Variants in PPM1E observed in about 807,000 individuals in gnomAD.
PPM1E encodes the protein protein phosphatase 1E.
PPM1E carries 20 observed loss-of-function variants against 65.9 expected under a neutral mutation model. The ratio of observed to expected loss-of-function variants is 0.30; its 90% confidence interval spans 0.21 to 0.44. The LOEUF (loss-of-function observed/expected upper bound fraction) is 0.44, where lower values mean the gene tolerates loss of function less well. PPM1E is among the 20% of genes least tolerant of loss of function. The pLI is 1.00. For missense variants in PPM1E, 713 were observed against 953.1 expected (o/e 0.75, Z 3.32); for synonymous variants, 352 against 374.9 (o/e 0.94, Z 0.70).
At chr17:58,837,320 A>AACACACATACACACACACACACAC (rs751021723) in intron 1 of PPM1E, among the ~76,000 whole-genome samples, 1 of 120,242 alleles carries the variant, frequency 8.3e-6, no homozygotes, top group Non-Finnish European at 1.7e-5. Context: ...GAATGAGAAT[A>AACACACATACACACACACACACAC]ACACACACAC....
chr17:58,903,054 C>T (rs867111108), intron 1 of PPM1E, among the ~76,000 whole-genome samples: 11 of 152,138 alleles, frequency 7.2e-5, no homozygotes, highest in Middle Eastern at 6.8e-3. Flanking sequence ...CCAAGAGTAG[C>T]GCAAAAACCT....
chr17:58,927,786 C>G (rs1050311405), intron 1 of PPM1E, among the ~76,000 whole-genome samples: 2 of 151,432 alleles, frequency 1.3e-5, no homozygotes, highest in African/African-American at 4.9e-5. Context: ...CGGCCGGGCC[C>G]GGTGGCTCAT....
intron 1 of PPM1E, among the ~76,000 whole-genome samples, chr17:58,861,166 T>A (rs889222527): frequency 6.6e-6 from 1 of 152,178 alleles, no homozygotes; most frequent in East Asian, 1.9e-4. Context: ...TCAGATCCAC[T>A]GGAAAGGGGC....
chr17:58,851,959 C>T (rs1477372969), intron 1 of PPM1E, among the ~76,000 whole-genome samples: 1 of 152,196 alleles, frequency 6.6e-6, no homozygotes, highest in Non-Finnish European at 1.5e-5. Context: ...CTTTGTTTAC[C>T]TACTCAAGCC....
intron 1 of PPM1E, among the ~76,000 whole-genome samples, chr17:58,855,061 C>G (rs776812509): frequency 1.3e-5 from 2 of 152,126 alleles, no homozygotes; most frequent in Non-Finnish European, 2.9e-5. Context: ...TTAACCCAGT[C>G]ATATGGGTGC....
intron 1 of PPM1E, among the ~76,000 whole-genome samples, chr17:58,916,372 TTTAA>T (rs1237524930): frequency 6.6e-6 from 1 of 152,228 alleles, no homozygotes; most frequent in Non-Finnish European, 1.5e-5. Context: ...TAAGTAAATA[TTTAA>T]TTAATTCTTG....
At chr17:58,857,866 G>A (rs929118326) in intron 1 of PPM1E, among the ~76,000 whole-genome samples, 5 of 151,986 alleles carry the variant, frequency 3.3e-5, no homozygotes, top group Non-Finnish European at 5.9e-5. Context: ...CTACTCTATC[G>A]TAGCAGATAA....
intron 1 of PPM1E, among the ~76,000 whole-genome samples, chr17:58,794,899 TTTTTTTTGAG>T (rs1254662896): frequency 4.0e-5 from 6 of 151,136 alleles, no homozygotes; most frequent in African/African-American, 1.5e-4. Flanking sequence ...TTTTTTTTTT[TTTTTTTTGAG>T]GCAGAGTCTT....
At chr17:58,976,508 A>G (rs1255204288) in intron 6 of PPM1E, among the ~76,000 whole-genome samples, 2 of 152,250 alleles carry the variant, frequency 1.3e-5, no homozygotes, top group Admixed American at 6.5e-5. Context: ...TCTACTCAGG[A>G]AAGAAATGAT....
At chr17:58,851,833 C>T (rs533484401) in intron 1 of PPM1E, among the ~76,000 whole-genome samples, 7 of 152,264 alleles carry the variant, frequency 4.6e-5, no homozygotes, top group African/African-American at 9.6e-5. Flanking sequence ...TTTAAGTCTC[C>T]GAAGTTTCTG....
chr17:58,774,495 A>G (rs996793317), intron 1 of PPM1E, among the ~76,000 whole-genome samples: 2 of 152,172 alleles, frequency 1.3e-5, no homozygotes, highest in African/African-American at 4.8e-5. Context: ...CCATGGTTTT[A>G]TAATTAAAGA....
At chr17:58,863,825 G>C (rs1346697363) in intron 1 of PPM1E, among the ~76,000 whole-genome samples, 1 of 152,134 alleles carries the variant, frequency 6.6e-6, no homozygotes, top group Non-Finnish European at 1.5e-5. Flanking sequence ...ACTCCTCTCT[G>C]ACTGTAGTCT....
rs1292827570 is a variant in PPM1E at position 58,815,996 on chromosome 17, A to T, written c.464+59535A>T. 3.3e-5 allele frequency among the ~76,000 whole-genome samples: 5 copies of T among 152,152 alleles called. No individual in the cohort carries two copies. The South Asian group carries it at 1.0e-3, about 31-fold the overall frequency. On this transcript the variant is annotated intron_variant, in intron 1 of 6. Transcript: ENST00000308249. ...ATTGATACAATAAAAAATTTTAATC[A>T]TAATGCAGATAGAATGTGTATAATA...
chr17:58,943,948 T>C (rs187832095), intron 1 of PPM1E, among the ~76,000 whole-genome samples: 1 of 152,338 alleles, frequency 6.6e-6, no homozygotes, highest in East Asian at 1.9e-4. Flanking sequence ...AATCATTAAA[T>C]GGGAATACCC....
intron 2 of PPM1E, among the ~76,000 whole-genome samples, chr17:58,958,091 T>A (rs1344658670): frequency 6.6e-6 from 1 of 152,170 alleles, no homozygotes; most frequent in African/African-American, 2.4e-5. Context: ...TACAGTGAGC[T>A]GTGTACTACA....
At chr17:58,978,676 A>C (rs1282878718) in intron 6 of PPM1E, among the ~76,000 whole-genome samples, 1 of 152,138 alleles carries the variant, frequency 6.6e-6, no homozygotes, top group Non-Finnish European at 1.5e-5. Flanking sequence ...GTGCCACTGC[A>C]CTCCAGCCTG....
At chr17:58,826,424 A>G (rs2050537475) in intron 1 of PPM1E, among the ~76,000 whole-genome samples, 3 of 152,150 alleles carry the variant, frequency 2.0e-5, no homozygotes, top group Admixed American at 6.6e-5. Flanking sequence ...CTACAGCAAT[A>G]AAGGGTTTAT....
chr17:58,869,558 G>T (rs1368423306), intron 1 of PPM1E, among the ~76,000 whole-genome samples: 1 of 152,174 alleles, frequency 6.6e-6, no homozygotes, highest in African/African-American at 2.4e-5. Flanking sequence ...TCTGCCATGG[G>T]TGGAAGCAGC....
At chr17:58,827,769 G>A (rs1332771242) in intron 1 of PPM1E, among the ~76,000 whole-genome samples, 1 of 151,454 alleles carries the variant, frequency 6.6e-6, no homozygotes, top group Non-Finnish European at 1.5e-5. Context: ...AGGCGTGGTG[G>A]CGCGCGCCTG....
Sources: allele counts gnomAD v4.1 joint callset (sites outside exome capture counted in the v4.1 genomes callset), GRCh38; gene constraint gnomAD v4.1.1; transcripts MANE v1.5; gene names NCBI Gene and HGNC (gene_info 2026-07-23, HGNC 2026-07-21).